CHST8: variants seen among roughly 807,000 people sequenced by gnomAD.
CHST8 encodes the protein carbohydrate sulfotransferase 8.
In CHST8, 10 loss-of-function variants were observed where a neutral mutation model predicts 15.0. That is an observed-to-expected ratio of 0.67 (90% CI 0.41 to 1.13). CHST8 has a LOEUF of 1.13. Ranked by LOEUF, CHST8 falls within the 50% of genes most tolerant of loss-of-function variation. CHST8 has a pLI of 0.00. For missense variants in CHST8, 634 were observed against 608.2 expected, an observed-to-expected ratio of 1.04 and a Z score of -0.45; for synonymous variants, 259 against 256.6, an observed-to-expected ratio of 1.01 and a Z score of -0.09.
At chr19:33,701,774 T>C (rs1973340957) in intron 3 of CHST8, among the ~76,000 whole-genome samples, 1 of 152,206 alleles carries the variant, frequency 6.6e-6, no homozygotes. Flanking sequence ...TGGCACGTGG[T>C]ACTCATTCTA....
rs192183704 is a variant in CHST8, at chr19:33,703,222, C to A, written c.130+13831C>A. On this transcript the variant is annotated intron_variant, in intron 3 of 4. Coordinates refer to ENST00000650847, the MANE Select transcript of CHST8 (RefSeq NM_001127895.2). ...CCTCACTTGGCCTGGAGTCTCAGGG[C>A]CAAGGGGGAGGGCCTGGAGACATCC... Among the ~76,000 whole-genome samples, 6 of 152,290 alleles carry A rather than the reference C, an allele frequency of 3.9e-5. No individual in the cohort carries two copies. The East Asian group carries it at 1.2e-3, about 29-fold the overall frequency.
At chr19:33,765,725 C>A (rs1338243967) in intron 3 of CHST8, among the ~76,000 whole-genome samples, 1 of 152,078 alleles carries the variant, frequency 6.6e-6, no homozygotes, top group Admixed American at 6.6e-5. Flanking sequence ...CCATGCCCAG[C>A]TAATTTTTGT....
chr19:33,622,748 A>G (rs1457195609), intron 1 of CHST8, among the ~76,000 whole-genome samples: 2 of 152,098 alleles, frequency 1.3e-5, no homozygotes, highest in Admixed American at 1.3e-4. Flanking sequence ...TGCGGCGGGC[A>G]GAGACTATGG....
intron 3 of CHST8, among the ~76,000 whole-genome samples, chr19:33,691,255 G>T (rs1319322175): frequency 2.0e-5 from 3 of 152,202 alleles, no homozygotes; most frequent in African/African-American, 7.2e-5. Flanking sequence ...GCTGGCAGGG[G>T]ATGTCAGATG....
At chr19:33,727,925 G>A (rs770736571) in intron 3 of CHST8, among the ~76,000 whole-genome samples, 1 of 152,226 alleles carries the variant, frequency 6.6e-6, no homozygotes, top group Non-Finnish European at 1.5e-5. Context: ...CTGTGGGTGG[G>A]TGCTCTCCTC....
chr19:33,736,500 C>T (rs1022741389), intron 3 of CHST8, among the ~76,000 whole-genome samples: 4 of 152,092 alleles, frequency 2.6e-5, no homozygotes, highest in Admixed American at 1.3e-4. Flanking sequence ...AGGGCCCTTC[C>T]GAGGCACTCT....
At chr19:33,763,420 C>T (rs541588241) in intron 3 of CHST8, among the ~76,000 whole-genome samples, 47 of 152,302 alleles carry the variant, frequency 3.1e-4, no homozygotes, top group South Asian at 8.3e-4. Flanking sequence ...ACTGCTGCCT[C>T]CCCTCGAAGT....
intron 2 of CHST8, among the ~76,000 whole-genome samples, chr19:33,679,604 G>T (rs924195125): frequency 1.3e-5 from 2 of 152,216 alleles, no homozygotes; most frequent in African/African-American, 4.8e-5. Flanking sequence ...TCAGACCTTC[G>T]TGTCTCAGTA....
At chr19:33,673,856 C>A (rs889799222) in intron 2 of CHST8, among the ~76,000 whole-genome samples, 3 of 152,170 alleles carry the variant, frequency 2.0e-5, no homozygotes, top group African/African-American at 4.8e-5. Context: ...CGGGTTCCAG[C>A]GATTCTTCTG....
At chr19:33,658,468 A>G (rs1972541773) in intron 1 of CHST8, among the ~76,000 whole-genome samples, 1 of 152,228 alleles carries the variant, frequency 6.6e-6, no homozygotes, top group Admixed American at 6.5e-5. Context: ...TATCCTTTAA[A>G]ATTCAATTTC....
At chr19:33,645,989 A>G (rs756057221) in intron 1 of CHST8, among the ~76,000 whole-genome samples, 17 of 152,206 alleles carry the variant, frequency 1.1e-4, no homozygotes, top group Non-Finnish European at 2.2e-4. Context: ...TTAGCTGGGC[A>G]TGCTGGTACA....
intron 3 of CHST8, among the ~76,000 whole-genome samples, chr19:33,757,406 G>T (rs1157125036): frequency 1.9e-4 from 1 of 5,358 alleles, no homozygotes; most frequent in South Asian, 6.8e-3. Flanking sequence ...AAGAAAGAAA[G>T]AAAGAAAGAA....
intron 3 of CHST8, among the ~76,000 whole-genome samples, chr19:33,712,384 G>T (rs1458340167): frequency 6.6e-6 from 1 of 152,158 alleles, no homozygotes; most frequent in East Asian, 1.9e-4. Context: ...GGACAAGCGG[G>T]GGCTGTGGGA....
At chr19:33,642,809 A>G (rs1274878684) in intron 1 of CHST8, among the ~76,000 whole-genome samples, 1 of 152,246 alleles carries the variant, frequency 6.6e-6, no homozygotes, top group African/African-American at 2.4e-5. Flanking sequence ...CGCTTTATAT[A>G]CGTAAACTCG....
chr19:33,637,394 G>T (rs1972218593), intron 1 of CHST8, among the ~76,000 whole-genome samples: 1 of 137,202 alleles, frequency 7.3e-6, no homozygotes, highest in African/African-American at 2.8e-5. Context: ...CCTAAAGAAA[G>T]GTTCGCTTTC....
chr19:33,701,490 T>C (rs1182994641), intron 3 of CHST8, among the ~76,000 whole-genome samples: 5 of 152,204 alleles, frequency 3.3e-5, no homozygotes, highest in African/African-American at 7.2e-5. Context: ...AGAATTGTTA[T>C]GCTAAAAGTT....
At chr19:33,688,744 G>T (rs904941775) in intron 2 of CHST8, among the ~76,000 whole-genome samples, 4 of 152,142 alleles carry the variant, frequency 2.6e-5, no homozygotes, top group Admixed American at 1.3e-4. Flanking sequence ...ACATCCAAGA[G>T]CTTCTCTGCC....
chr19:33,730,875 C>T (rs1973981507), intron 3 of CHST8, among the ~76,000 whole-genome samples: 1 of 152,232 alleles, frequency 6.6e-6, no homozygotes, highest in South Asian at 2.1e-4. Flanking sequence ...TGGCAAACAA[C>T]TGGTGTGAGT....
chr19:33,626,006 G>A (rs547771531), intron 1 of CHST8, among the ~76,000 whole-genome samples: 5 of 152,204 alleles, frequency 3.3e-5, no homozygotes, highest in East Asian at 1.9e-4. Flanking sequence ...TGTCTTTGGC[G>A]CCATATTCAG....
Sources: gnomAD v4.1 joint callset for allele counts (sites outside exome capture counted in the v4.1 genomes callset) on GRCh38, gnomAD v4.1.1 for gene constraint, MANE v1.5 for transcripts, NCBI Gene and HGNC (gene_info 2026-07-23, HGNC 2026-07-21) for gene names.